LRP2: variants seen among roughly 807,000 people sequenced by gnomAD.
LRP2 encodes low-density lipoprotein receptor-related protein 2.
In LRP2, 172 loss-of-function variants were observed where a neutral mutation model predicts 531.0. That is an observed-to-expected ratio of 0.32 (90% CI 0.29 to 0.37). The LOEUF is 0.37. Among genes scored for constraint, LRP2 ranks in the 10% least tolerant of loss-of-function variants. The pLI is 1.00. For missense variants in LRP2, 5,167 were observed against 5,868.3 expected (o/e 0.88, Z 3.90); for synonymous variants, 1,992 against 2,027.6 (o/e 0.98, Z 0.47).
intron 16 of LRP2, among the ~76,000 whole-genome samples, chr2:169,269,793 C>G (rs1051206022): frequency 2.0e-4 from 30 of 151,898 alleles, no homozygotes; most frequent in Admixed American, 1.7e-3. Context: ...CACAGCAAAA[C>G]AAACTACCAT....
intron 1 of LRP2, among the ~76,000 whole-genome samples, chr2:169,345,572 T>C (rs1484071467): frequency 6.6e-6 from 1 of 151,772 alleles, no homozygotes. Context: ...CCGAATGAGG[T>C]TGTGGCTACA....
At chr2:169,139,446 C>A in intron 73 of LRP2, 75 bp from the exon 74 acceptor site, 2 of 1,613,502 alleles carry the variant, frequency 1.2e-6, no homozygotes, top group South Asian at 2.2e-5. Flanking sequence ...GGGCTAGAAC[C>A]ACTCCTTCAA....
chr2:169,318,968 T>C, intron 2 of LRP2, 84 bp from the exon 3 acceptor site: 4 of 1,528,492 alleles, frequency 2.6e-6, no homozygotes, highest in Non-Finnish European at 3.6e-6. Context: ...GAAGAGTGTA[T>C]CATGTAAACT....
chr2:169,213,459 C>A (rs78411016), intron 36 of LRP2, among the ~76,000 whole-genome samples, 198 bp downstream of exon 36: 1 of 152,164 alleles, frequency 6.6e-6, no homozygotes, highest in East Asian at 1.9e-4. Context: ...GTCAATCTGG[C>A]CTTTCAGATG....
chr2:169,289,268 T>C (rs753226649), intron 8 of LRP2, 123 bp from the exon 9 acceptor site: 173 of 1,278,976 alleles, frequency 1.4e-4, no homozygotes, highest in Non-Finnish European at 1.9e-4. Context: ...CAGAAAAATC[T>C]GTCACCCTTC....
chr2:169,335,067 C>T (rs894603146), intron 1 of LRP2, among the ~76,000 whole-genome samples: 4 of 152,192 alleles, frequency 2.6e-5, no homozygotes, highest in Non-Finnish European at 4.4e-5. Context: ...GCCCAGTCTT[C>T]GGTCAAGGGC....
chr2:169,345,467 T>C (rs985519779), intron 1 of LRP2, among the ~76,000 whole-genome samples: 5 of 152,126 alleles, frequency 3.3e-5, no homozygotes, highest in African/African-American at 4.8e-5. Flanking sequence ...AGGTCAGTTT[T>C]CAAAAAAGGA....
At chr2:169,259,527 T>C (rs956866735) in intron 16 of LRP2, among the ~76,000 whole-genome samples, 1 of 151,964 alleles carries the variant, frequency 6.6e-6, no homozygotes, top group African/African-American at 2.4e-5. Context: ...AATTTCTCAC[T>C]GTAGAATATC....
rs769265172 is a variant in LRP2, at chr2:169,128,823, T to A, written c.13808A>T (p.Asn4603Ile). ...FENPIYAQME[N>I]EQKESVAATP... Reference sequence around the variant, plus strand: ...CGCAGCAACACTTTCCTTTTGCTCGTTCTCCATCTAAGAATACAATGTAAC... The same window carrying A: ...CGCAGCAACACTTTCCTTTTGCTCGATCTCCATCTAAGAATACAATGTAAC... The change falls in exon 79 of 79, where the codon AAC becomes ATC. Residue 4603 changes from asparagine to isoleucine, a missense_variant. Coordinates refer to ENST00000649046, the MANE Select transcript of LRP2 (RefSeq NM_004525.3). 2.9e-5 allele frequency: 46 copies of A among 1,613,982 alleles called. No individual in the cohort carries two copies. Among genetic ancestry groups the A allele is most frequent in the Non-Finnish European group, 3.8e-5 (45 of 1,179,996 alleles).
intron 3 of LRP2, among the ~76,000 whole-genome samples, chr2:169,311,276 C>T (rs1684589898): frequency 6.6e-6 from 1 of 152,118 alleles, no homozygotes; most frequent in Non-Finnish European, 1.5e-5. Context: ...TTCTCTAGTT[C>T]TTTTAATTGT....
chr2:169,141,586 TA>T (rs559279281), intron 71 of LRP2, among the ~76,000 whole-genome samples: 21 of 152,164 alleles, frequency 1.4e-4, no homozygotes, highest in Admixed American at 3.9e-4. Context: ...TTACTTCGGT[TA>T]AAGTTCTTTA....
chr2:169,142,508 C>G (rs1685758492), intron 71 of LRP2, among the ~76,000 whole-genome samples, 166 bp downstream of exon 71: 2 of 152,140 alleles, frequency 1.3e-5, no homozygotes, highest in Non-Finnish European at 2.9e-5. Flanking sequence ...TCTGTTTGCC[C>G]CCTAAGTCCC....
chr2:169,285,816 T>C (rs1427000773), intron 9 of LRP2, among the ~76,000 whole-genome samples: 1 of 152,170 alleles, frequency 6.6e-6, no homozygotes, highest in African/African-American at 2.4e-5. Context: ...CAGAGGCAGA[T>C]GAATGGTAGA....
At chr2:169,246,274 A>T (rs1690000879) in intron 21 of LRP2, among the ~76,000 whole-genome samples, 1 of 151,986 alleles carries the variant, frequency 6.6e-6, no homozygotes, top group Non-Finnish European at 1.5e-5. Flanking sequence ...TACATGTGCC[A>T]TTTTATATTT....
intron 32 of LRP2, 70 bp downstream of exon 32, chr2:169,226,352 T>C (rs1689199438): frequency 7.8e-7 from 1 of 1,274,440 alleles, no homozygotes; most frequent in Non-Finnish European, 1.1e-6. Flanking sequence ...AGTTTGCTTA[T>C]AAGAAAACAT....
chr2:169,204,116 G>C lies in LRP2; in HGVS notation c.7871C>G (p.Ser2624Ter), dbSNP rs1688295099. Residue 2624 changes from serine (S) to a stop codon, truncating the protein, a stop_gained, in exon 42 of 79, where the codon TCA becomes TGA. Transcript: ENST00000649046. LOFTEE classifies it high-confidence loss of function. ...RIYRANKYDG[S>*]GQIAMTTNLL... ...ATTTGTGGTCATTGCAATCTGACCT[G>C]ACCCGTCATATTTGTTAGCTCGGTA... is the stretch of plus-strand genomic sequence containing the variant. 1.9e-6 allele frequency: 3 copies of C among 1,614,116 alleles called. No homozygotes were observed. The highest frequency in any genetic ancestry group is 2.5e-6 in the Non-Finnish European group (3 of 1,180,034).
At chr2:169,255,669 T>C (rs1441212634) in intron 19 of LRP2, among the ~76,000 whole-genome samples, 1 of 152,150 alleles carries the variant, frequency 6.6e-6, no homozygotes, top group Non-Finnish European at 1.5e-5. Flanking sequence ...TGTGTAATCG[T>C]TTTTTCCACA....
chr2:169,172,192 A>C (rs1687031523), intron 57 of LRP2, 58 bp from the exon 58 acceptor site: 57 of 1,605,704 alleles, frequency 3.5e-5, no homozygotes, highest in Non-Finnish European at 4.8e-5. Flanking sequence ...TGCACAAAGT[A>C]GTATTGGCTT....
At position 169,162,458 on chromosome 2, in the gene LRP2, A is replaced by G; in HGVS notation, c.11887+14T>C. 1 of 1,613,996 alleles carries G rather than the reference A, an allele frequency of 6.2e-7. No individual in the cohort carries two copies. The highest frequency in any genetic ancestry group is 8.5e-7 in the Non-Finnish European group (1 of 1,179,902). The stretch of plus-strand genomic sequence containing the variant: ...AGTTACTACAATGAACTATAAAAAC[A>G]AGTGTTTACTTACTGCAACCCAGTT... On this transcript the variant is annotated intron_variant, in intron 63 of 78. Coordinates refer to ENST00000649046, the MANE Select transcript of LRP2 (RefSeq NM_004525.3).
Sources: gnomAD v4.1 joint callset for allele counts (sites outside exome capture counted in the v4.1 genomes callset) on GRCh38, gnomAD v4.1.1 for gene constraint, MANE v1.5 for transcripts, NCBI Gene and HGNC (gene_info 2026-07-23, HGNC 2026-07-21) for gene names.